KMT2E: variants seen among roughly 807,000 people sequenced by gnomAD.
KMT2E encodes the protein lysine methyltransferase 2E (inactive).
In KMT2E, 30 loss-of-function variants were observed where a neutral mutation model predicts 184.6. The ratio of observed to expected loss-of-function variants is 0.16; its 90% confidence interval spans 0.12 to 0.22. The LOEUF is 0.22. Among genes scored for constraint, KMT2E ranks in the 10% least tolerant of loss-of-function variants. The probability of loss-of-function intolerance (pLI) is 1.00; values close to 1 mark genes in which losing one functional copy is unlikely to be tolerated. For missense variants in KMT2E, 2,023 were observed against 2,237.4 expected, an observed-to-expected ratio of 0.90 and a Z score of 1.93; for synonymous variants, 815 against 776.5, an observed-to-expected ratio of 1.05 and a Z score of -0.82.
At chr7:105,050,332 C>A (rs1246268666) in intron 3 of KMT2E, among the ~76,000 whole-genome samples, 1 of 152,204 alleles carries the variant, frequency 6.6e-6, no homozygotes, top group African/African-American at 2.4e-5. Flanking sequence ...TAACTAACCA[C>A]TATTGGTCAT....
At chr7:105,074,039 A>T (rs955555024) in intron 7 of KMT2E, among the ~76,000 whole-genome samples, 2 of 152,230 alleles carry the variant, frequency 1.3e-5, no homozygotes, top group Non-Finnish European at 2.9e-5. Flanking sequence ...TCTTTTATTT[A>T]TAGGAACAGA....
intron 15 of KMT2E, among the ~76,000 whole-genome samples, chr7:105,094,403 G>C (rs954008945): frequency 1.3e-5 from 2 of 152,110 alleles, no homozygotes; most frequent in Admixed American, 1.3e-4. Context: ...GGAGATACAG[G>C]TTGAGTATTA....
intron 3 of KMT2E, among the ~76,000 whole-genome samples, chr7:105,061,195 T>G (rs960700924): frequency 6.6e-6 from 1 of 152,128 alleles, no homozygotes; most frequent in African/African-American, 2.4e-5. Flanking sequence ...AAAAAATGTT[T>G]TTTATGCTGC....
intron 3 of KMT2E, among the ~76,000 whole-genome samples, chr7:105,042,762 T>C (rs1795937518): frequency 6.6e-6 from 1 of 152,244 alleles, no homozygotes; most frequent in Admixed American, 6.5e-5. Context: ...TTCATACAAA[T>C]ATTTAAAAAT....
chr7:105,109,843 C>CTT (rs34727137), intron 23 of KMT2E, among the ~76,000 whole-genome samples: 350 of 136,296 alleles, frequency 2.6e-3, no homozygotes, highest in African/African-American at 8.5e-3. Context: ...ATAAGATTAA[C>CTT]TTTTTTTTTT....
intron 15 of KMT2E, among the ~76,000 whole-genome samples, chr7:105,095,742 C>CA (rs1798383362): frequency 6.6e-6 from 1 of 152,046 alleles, no homozygotes; most frequent in Non-Finnish European, 1.5e-5. Flanking sequence ...ACCATAAGCC[C>CA]AGTAGACTGA....
At chr7:105,039,121 A>G (rs545702287) in intron 2 of KMT2E, 2 of 152,338 alleles carry the variant, frequency 1.3e-5, no homozygotes, top group East Asian at 1.9e-4. Context: ...TTTCATCTCA[A>G]GTTCTCTAAT....
intron 1 of KMT2E, among the ~76,000 whole-genome samples, chr7:105,019,320 T>C (rs1794847649): frequency 6.6e-6 from 1 of 152,236 alleles, no homozygotes; most frequent in Non-Finnish European, 1.5e-5. Flanking sequence ...CAGTTCTTTT[T>C]TTCCCTCATG....
intron 9 of KMT2E, 44 bp from the exon 10 acceptor site, chr7:105,076,919 T>A (rs1797551894): frequency 6.9e-6 from 6 of 874,688 alleles, no homozygotes; most frequent in African/African-American, 1.8e-5. Context: ...TGTGTGTGTG[T>A]AAGTCCGTAA....
chr7:105,106,873 AC>A, intron 20 of KMT2E, 101 bp downstream of exon 20: 1 of 1,185,676 alleles, frequency 8.4e-7, no homozygotes, highest in Non-Finnish European at 1.2e-6. Flanking sequence ...TGCTGAGAAT[AC>A]AAAAAAAAGG....
intron 9 of KMT2E, among the ~76,000 whole-genome samples, 175 bp downstream of exon 9, chr7:105,076,256 T>A (rs1280546285): frequency 6.6e-6 from 1 of 152,202 alleles, no homozygotes; most frequent in Non-Finnish European, 1.5e-5. Flanking sequence ...ACTCTTGTAG[T>A]TAACACTGTT....
intron 1 of KMT2E, among the ~76,000 whole-genome samples, chr7:105,015,423 A>T (rs1794676598): frequency 6.6e-6 from 1 of 152,198 alleles, no homozygotes; most frequent in Admixed American, 6.5e-5. Context: ...ATTTAAAGTC[A>T]AAGAGGAATC....
chr7:105,099,288 G>C (rs1798553911), intron 15 of KMT2E, among the ~76,000 whole-genome samples: 1 of 152,188 alleles, frequency 6.6e-6, no homozygotes, highest in African/African-American at 2.4e-5. Flanking sequence ...GGAAAGAAGA[G>C]TAATACAGAA....
Position 105,108,948 on chromosome 7 carries a change from C to T in KMT2E, c.3475C>T (p.Leu1159=). The change falls in exon 23 of 27, where the codon CTA becomes TTA. Residue 1159 remains leucine (L), a synonymous_variant. Transcript: ENST00000311117. ...CTCATCTTTCTTGCTTAAGGTTTCT[C>T]TATTAGAATACCGTAAGAGACAACG... ...QNPPQKKKVS[L]LEYRKRQREA... 1.2e-6 allele frequency: 2 copies of T among 1,602,588 alleles called. No individual in the cohort carries two copies. Among genetic ancestry groups the T allele is most frequent in the African/African-American group, 2.7e-5 (2 of 74,820 alleles).
chr7:105,092,557 T>C lies in KMT2E; in HGVS notation c.1722+1243T>C, dbSNP rs538736654. Among the ~76,000 whole-genome samples the C allele has an allele frequency of 3.9e-5, 6 of 152,310 alleles. No homozygotes were observed. In the South Asian group the frequency reaches 1.2e-3, roughly 32 times the overall value. ...TTAGGATTTTAGGAACACTGGTCTGTTGAGACAAGGTAGTATTAGAAGAAA... is the reference window on the plus strand; with the variant it reads ...TTAGGATTTTAGGAACACTGGTCTGCTGAGACAAGGTAGTATTAGAAGAAA... On this transcript the variant is annotated intron_variant, in intron 15 of 26. Coordinates refer to ENST00000311117, the MANE Select transcript of KMT2E (RefSeq NM_182931.3).
At chr7:105,060,239 C>T (rs968869671) in intron 3 of KMT2E, among the ~76,000 whole-genome samples, 10 of 151,746 alleles carry the variant, frequency 6.6e-5, no homozygotes, top group Admixed American at 6.6e-5. Flanking sequence ...GTGATCCACC[C>T]GCCTCTGCCT....
At chr7:105,036,148 TTTGTTG>T (rs375275339) in intron 1 of KMT2E, among the ~76,000 whole-genome samples, 1 of 151,788 alleles carries the variant, frequency 6.6e-6, no homozygotes. Context: ...GGCAGGGTTT[TTTGTTG>T]TTGTTGTTGT....
rs372472536 is a variant in KMT2E, at chr7:105,081,848, T to G, written c.1358+51T>G. On this transcript the variant is annotated intron_variant, in intron 13 of 26. Transcript: ENST00000311117. The stretch of plus-strand genomic sequence containing the variant: ...CTGTTGTTTGAAAATAGTTCCATAA[T>G]GTCCCTGTAATAATTTAGGTATTGT... The G allele has an allele frequency of 1.7e-4, 126 of 757,994 alleles. No homozygotes were observed. In the African/African-American group the frequency reaches 2.0e-3, roughly 12 times the overall value. 47.0% of individuals were successfully genotyped at this position (757,994 alleles called of 1,614,324 possible).
rs1799368899 is a variant in KMT2E at position 105,112,709 on chromosome 7, T to C, written c.4953T>C (p.Ser1651=). 1.2e-6 allele frequency: 2 copies of C among 1,613,908 alleles called. No individual in the cohort carries two copies. Among genetic ancestry groups the C allele is most frequent in the East Asian group, 2.2e-5 (1 of 44,834 alleles). ...AGCCGAATTCCCATCAGCAACACTC[T>C]GTAGCACATGTAGTAGGGCCTGTTC... is the stretch of plus-strand genomic sequence containing the variant. ...VQQPNSHQQH[S]VAHVVGPVHA... is the part of the protein sequence containing the mutation. Residue 1651 remains serine, a synonymous_variant, in exon 27 of 27, where the codon TCT becomes TCC. Transcript: ENST00000311117.
Sources: allele counts gnomAD v4.1 joint callset (sites outside exome capture counted in the v4.1 genomes callset), GRCh38; gene constraint gnomAD v4.1.1; transcripts MANE v1.5; gene names NCBI Gene and HGNC (gene_info 2026-07-23, HGNC 2026-07-21).